The following IRAG2 variants were observed in gnomAD, a reference collection of about 807,000 sequenced individuals.
The protein encoded by IRAG2 is inositol 1,4,5-triphosphate receptor associated 2.
IRAG2 carries 45 observed loss-of-function variants against 69.9 expected under a neutral mutation model. That is an observed-to-expected ratio of 0.64 (90% CI 0.51 to 0.83). IRAG2 has a LOEUF of 0.83. Among genes scored for constraint, IRAG2 ranks in the 40% least tolerant of loss-of-function variants. The pLI, the probability that IRAG2 is intolerant of heterozygous loss-of-function variation, is 0.00. For synonymous variants in IRAG2, 193 were observed against 202.4 expected (o/e 0.95, Z 0.40); for missense variants, 520 against 587.0 (o/e 0.89, Z 1.18).
intron 15 of IRAG2, among the ~76,000 whole-genome samples, chr12:25,099,143 A>G (rs1948599952): frequency 6.6e-6 from 1 of 152,008 alleles, no homozygotes. Flanking sequence ...AGGACTCTCA[A>G]ATTCATATGT....
chr12:25,057,833 T>A (rs775061782), intron 1 of IRAG2, among the ~76,000 whole-genome samples: 2 of 152,166 alleles, frequency 1.3e-5, no homozygotes, highest in Non-Finnish European at 2.9e-5. Context: ...TAGGTTAGCT[T>A]AGCCTGTTCT....
At chr12:25,069,898 A>C (rs1451510282) in intron 6 of IRAG2, among the ~76,000 whole-genome samples, 1 of 152,170 alleles carries the variant, frequency 6.6e-6, no homozygotes, top group African/African-American at 2.4e-5. Flanking sequence ...TGGCAAAGTT[A>C]GGTGCTAATG....
intron 6 of IRAG2, among the ~76,000 whole-genome samples, chr12:25,075,556 GTA>G (rs1491507683): frequency 0.058 from 6,676 of 115,410 alleles, 157 homozygotes; most frequent in East Asian, 0.08. Flanking sequence ...GTGTGTGTGT[GTA>G]TGTGTGTCTC....
chr12:25,044,044 C>A (rs1443567073), intron 16 of IRAG2, among the ~76,000 whole-genome samples: 4 of 151,774 alleles, frequency 2.6e-5, no homozygotes, highest in Non-Finnish European at 2.9e-5. Context: ...ACTTTTAATT[C>A]TTATATAAAA....
chr12:25,066,028 T>A (rs1388042820), intron 4 of IRAG2, among the ~76,000 whole-genome samples: 1 of 152,216 alleles, frequency 6.6e-6, no homozygotes, highest in African/African-American at 2.4e-5. Context: ...GGCTGTAGAT[T>A]GTTAACCTCT....
At chr12:25,012,854 C>T (rs577789545) in intron 3 of IRAG2, among the ~76,000 whole-genome samples, 24 of 152,116 alleles carry the variant, frequency 1.6e-4, no homozygotes, top group African/African-American at 3.9e-4. Context: ...GCCCAAGGAA[C>T]GGAAAAACTT....
intron 14 of IRAG2, among the ~76,000 whole-genome samples, chr12:25,091,736 AG>A (rs1948078699): frequency 6.6e-6 from 1 of 152,196 alleles, no homozygotes; most frequent in South Asian, 2.1e-4. Context: ...CGGTGCACAA[AG>A]GTTCCAATTT....
At chr12:25,046,737 A>G (rs1591937439) in intron 16 of IRAG2, among the ~76,000 whole-genome samples, 1 of 152,308 alleles carries the variant, frequency 6.6e-6, no homozygotes, top group Non-Finnish European at 1.5e-5. Context: ...CATGTTGTTT[A>G]AATGTCCATA....
chr12:25,079,576 C>T lies in IRAG2; in HGVS notation c.137-80C>T, dbSNP rs1947056967. Reference sequence around the variant, plus strand: ...ATGAGAAGAACATAGGCAAATACTCCTTTTGCATAGTATAGTTAAATACAC... The same window carrying T: ...ATGAGAAGAACATAGGCAAATACTCTTTTTGCATAGTATAGTTAAATACAC... On this transcript the variant is annotated intron_variant, in intron 8 of 21. Transcript: ENST00000556887. 8 of 1,272,704 alleles carry T rather than the reference C, an allele frequency of 6.3e-6. No homozygotes were observed. In the African/African-American group the frequency reaches 8.8e-5, roughly 14 times the overall value. The allele number at this position is 1,272,704 out of a possible 1,614,324, so 78.8% of individuals were successfully genotyped here.
chr12:25,107,708 C>T, intron 21 of IRAG2, 109 bp from the exon 22 acceptor site: 1 of 989,928 alleles, frequency 1.0e-6, no homozygotes, highest in Non-Finnish European at 1.5e-6. Context: ...GATTAAAAGG[C>T]AGTTTTGGGG....
intron 10 of IRAG2, among the ~76,000 whole-genome samples, chr12:25,085,089 G>A (rs77391473): frequency 0.016 from 2,475 of 152,362 alleles, 54 homozygotes; most frequent in African/African-American, 0.055. Flanking sequence ...CCAAGTGAGT[G>A]TGTGTTACAA....
At chr12:25,018,021 C>T (rs1944545520) in intron 6 of IRAG2, among the ~76,000 whole-genome samples, 1 of 151,966 alleles carries the variant, frequency 6.6e-6, no homozygotes, top group Non-Finnish European at 1.5e-5. Context: ...TGTATTTCTA[C>T]CTCATTTCTT....
At chr12:25,103,752 G>A (rs1948881164) in intron 17 of IRAG2, 85 bp from the exon 18 acceptor site, 1 of 944,026 alleles carries the variant, frequency 1.1e-6, no homozygotes, top group South Asian at 1.4e-5. Flanking sequence ...ACACGGATAT[G>A]CATGTACAAG....
chr12:25,046,365 G>GA (rs998444699), intron 16 of IRAG2, among the ~76,000 whole-genome samples: 18 of 148,000 alleles, frequency 1.2e-4, no homozygotes, highest in East Asian at 3.9e-4. Context: ...ATTTAGGCAA[G>GA]AAAAAAAAAT....
At chr12:25,066,620 T>G in intron 5 of IRAG2, 108 bp downstream of exon 5, 1 of 397,958 alleles carries the variant, frequency 2.5e-6, no homozygotes. Context: ...ACATCTTTAT[T>G]GTCGAACTTC....
At chr12:25,024,862 A>C (rs1944609518) in intron 8 of IRAG2, among the ~76,000 whole-genome samples, 1 of 152,368 alleles carries the variant, frequency 6.6e-6, no homozygotes, top group East Asian at 1.9e-4. Context: ...CACGTATCAA[A>C]GAATTGTACC....
intron 20 of IRAG2, among the ~76,000 whole-genome samples, chr12:25,106,362 TATAA>T (rs1338845090): frequency 1.4e-5 from 2 of 140,650 alleles, no homozygotes; most frequent in Non-Finnish European, 1.5e-5. Context: ...TTTTTATATA[TATAA>T]ATATATATAT....
At chr12:25,047,854 T>G (rs1199746718), upstream of IRAG2, among the ~76,000 whole-genome samples, 2 of 152,348 alleles carry the variant, frequency 1.3e-5, no homozygotes, top group East Asian at 3.9e-4. Flanking sequence ...CGTTATCCAG[T>G]CTATCACTGA....
rs908668471 is a variant in IRAG2, at chr12:25,035,824, T to C, written c.1878+37T>C. On this transcript the variant is annotated intron_variant, in intron 14 of 38. Transcript: ENST00000636465. ...CATACCTTTATCATGGTGTTCCGTT[T>C]TGGCTGGCAATATCTGCAGATAACT... 7.5e-6 allele frequency: 3 copies of C among 398,748 alleles called. No individual in the cohort carries two copies. In the East Asian group the frequency reaches 1.1e-4, roughly 14 times the overall value. 24.7% of individuals were successfully genotyped at this position (398,748 alleles called of 1,614,324 possible).
Sources: allele counts gnomAD v4.1 joint callset (sites outside exome capture counted in the v4.1 genomes callset), GRCh38; gene constraint gnomAD v4.1.1; transcripts MANE v1.5; gene names NCBI Gene and HGNC (gene_info 2026-07-23, HGNC 2026-07-21).